SCFD2: variants seen among roughly 807,000 people sequenced by gnomAD.
SCFD2 encodes the protein sec1 family domain-containing protein 2.
In SCFD2, 54 loss-of-function variants were observed where a neutral mutation model predicts 58.9. That is an observed-to-expected ratio of 0.92 (90% confidence interval 0.74 to 1.15). SCFD2 has a LOEUF of 1.15. Among genes scored for constraint, SCFD2 ranks in the 50% most tolerant of loss-of-function variants. The pLI, the probability that SCFD2 is intolerant of heterozygous loss-of-function variation, is 0.00. For synonymous variants in SCFD2, 321 were observed against 335.9 expected (o/e 0.96, Z 0.49); for missense variants, 805 against 836.6 (o/e 0.96, Z 0.47).
At chr4:53,044,904 CA>C (rs1722995163) in intron 5 of SCFD2, among the ~76,000 whole-genome samples, 1 of 21,116 alleles carries the variant, frequency 4.7e-5, no homozygotes, top group African/African-American at 1.6e-4. Context: ...CCTCCACCCC[CA>C]ACCCCCCCCC....
chr4:52,995,767 A>G lies in SCFD2; in HGVS notation c.1562-74897T>C, dbSNP rs114442024. On this transcript the variant is annotated intron_variant, in intron 5 of 8. Coordinates refer to ENST00000401642, the MANE Select transcript of SCFD2 (RefSeq NM_152540.4). Reference sequence around the variant, plus strand: ...GAGAGGGGGAGGGGTTGAAAATTCTAAATAGCACGGTGGTTATAAGTGGGT... The same window carrying G: ...GAGAGGGGGAGGGGTTGAAAATTCTGAATAGCACGGTGGTTATAAGTGGGT... Among the ~76,000 whole-genome samples the G allele has an allele frequency of 5.3e-3, 812 of 152,340 alleles. 5 individuals are homozygous for G. Among genetic ancestry groups the G allele is most frequent in the Non-Finnish European group, 8.0e-3 (541 of 68,016 alleles).
chr4:52,905,939 AT>A (rs753035627), intron 7 of SCFD2, among the ~76,000 whole-genome samples: 1 of 152,220 alleles, frequency 6.6e-6, no homozygotes, highest in Non-Finnish European at 1.5e-5. Context: ...CTCAGGAAGG[AT>A]TGTAAAGTCC....
chr4:52,928,342 T>G (rs1174134054), intron 5 of SCFD2, among the ~76,000 whole-genome samples: 1 of 152,074 alleles, frequency 6.6e-6, no homozygotes, highest in East Asian at 1.9e-4. Flanking sequence ...TCAAGAAAAT[T>G]ATAATCTAGG....
intron 4 of SCFD2, among the ~76,000 whole-genome samples, chr4:53,202,912 G>A (rs368617544): frequency 1.3e-5 from 2 of 152,148 alleles, no homozygotes; most frequent in Non-Finnish European, 2.9e-5. Flanking sequence ...CCTATCAGCT[G>A]AAGGAGATTT....
chr4:53,118,041 G>A (rs142826952), intron 5 of SCFD2, among the ~76,000 whole-genome samples: 4 of 152,236 alleles, frequency 2.6e-5, no homozygotes, highest in South Asian at 2.1e-4. Context: ...CACATTGATT[G>A]AGCATCAGTA....
At position 52,920,876 on chromosome 4, in the gene SCFD2, A is replaced by C; in HGVS notation, c.1562-6T>G. On this transcript the variant is annotated splice_polypyrimidine_tract_variant and splice_region_variant and intron_variant, in intron 5 of 8. Transcript: ENST00000401642. ...ATTAATTGAAGAGTCCCAGTCTGAA[A>C]AAATCCAGAGATATTTTCTTGAGTG... The C allele has an allele frequency of 6.3e-7, 1 of 1,590,460 alleles. No individual in the cohort carries two copies. The highest frequency in any genetic ancestry group is 8.6e-7 in the Non-Finnish European group (1 of 1,168,506).
At chr4:53,051,586 A>C (rs1723193083) in intron 5 of SCFD2, among the ~76,000 whole-genome samples, 1 of 152,148 alleles carries the variant, frequency 6.6e-6, no homozygotes, top group Non-Finnish European at 1.5e-5. Flanking sequence ...TTATTAGGTA[A>C]AGCCACTTTA....
chr4:53,203,917 T>A (rs977221550), intron 4 of SCFD2, among the ~76,000 whole-genome samples: 1 of 152,146 alleles, frequency 6.6e-6, no homozygotes, highest in Non-Finnish European at 1.5e-5. Context: ...GGTCTAGGAA[T>A]TAATTGGCAA....
chr4:53,166,933 G>A (rs1192372907), intron 4 of SCFD2, among the ~76,000 whole-genome samples: 1 of 152,074 alleles, frequency 6.6e-6, no homozygotes, highest in Non-Finnish European at 1.5e-5. Flanking sequence ...AGAGGATAGG[G>A]CTGTGAATAG....
At chr4:53,232,181 T>C (rs529043712) in intron 4 of SCFD2, among the ~76,000 whole-genome samples, 2 of 152,174 alleles carry the variant, frequency 1.3e-5, no homozygotes, top group African/African-American at 4.8e-5. Flanking sequence ...TACTTACTAA[T>C]ATATAAAACA....
intron 5 of SCFD2, among the ~76,000 whole-genome samples, chr4:53,071,281 G>T (rs1296910503): frequency 1.3e-5 from 2 of 152,108 alleles, no homozygotes; most frequent in African/African-American, 4.8e-5. Flanking sequence ...ATTAGAGAGG[G>T]AAATGAACTT....
chr4:53,245,728 A>C (rs536370892), intron 4 of SCFD2, among the ~76,000 whole-genome samples: 21 of 152,300 alleles, frequency 1.4e-4, no homozygotes, highest in Admixed American at 1.3e-3. Context: ...ATCTATGCCA[A>C]ATCACAGCTA....
At chr4:53,339,471 T>C (rs1193242087) in intron 2 of SCFD2, among the ~76,000 whole-genome samples, 1 of 151,886 alleles carries the variant, frequency 6.6e-6, no homozygotes, top group Non-Finnish European at 1.5e-5. Context: ...AAAAGATACA[T>C]TTAAAAACAC....
intron 5 of SCFD2, chr4:52,948,920 A>G (rs1385723092): frequency 6.1e-6 from 1 of 163,002 alleles, no homozygotes; most frequent in African/African-American, 2.4e-5. Context: ...AAAAGCAGGC[A>G]TCTTAAGAGG....
intron 5 of SCFD2, among the ~76,000 whole-genome samples, chr4:52,971,525 C>G (rs1474991729): frequency 6.6e-6 from 1 of 152,050 alleles, no homozygotes; most frequent in Non-Finnish European, 1.5e-5. Context: ...GTGAAAAGAC[C>G]AAATCTACAT....
chr4:53,125,017 A>G (rs1044962731), intron 5 of SCFD2, among the ~76,000 whole-genome samples: 2 of 152,192 alleles, frequency 1.3e-5, no homozygotes, highest in African/African-American at 4.8e-5. Flanking sequence ...TCACCCCGGG[A>G]GAAGGAACAC....
chr4:53,002,567 A>C lies in SCFD2; in HGVS notation c.1562-81697T>G, dbSNP rs144398180. ...TTTATTCAGCATTGGTTTCAACTCA[A>C]CTAACATTTCTTGAGCCCCTCCTAT... On this transcript the variant is annotated intron_variant, in intron 5 of 8. Transcript: ENST00000401642. Among the ~76,000 whole-genome samples, 9 of 152,302 alleles carry C rather than the reference A, an allele frequency of 5.9e-5. No homozygotes were observed. The South Asian group carries it at 6.2e-4, about 11-fold the overall frequency.
At chr4:53,167,997 C>T (rs1316639900) in intron 4 of SCFD2, among the ~76,000 whole-genome samples, 1 of 152,146 alleles carries the variant, frequency 6.6e-6, no homozygotes, top group Non-Finnish European at 1.5e-5. Flanking sequence ...ATATATACCA[C>T]ACACAATACA....
intron 6 of SCFD2, among the ~76,000 whole-genome samples, chr4:52,918,216 G>A (rs1234916870): frequency 6.6e-6 from 1 of 152,182 alleles, no homozygotes; most frequent in East Asian, 1.9e-4. Context: ...GTTTAGCCAA[G>A]GACTATTTTT....
Sources: allele counts gnomAD v4.1 joint callset (sites outside exome capture counted in the v4.1 genomes callset), GRCh38; gene constraint gnomAD v4.1.1; transcripts MANE v1.5; gene names NCBI Gene and HGNC (gene_info 2026-07-23, HGNC 2026-07-21).